Variants in EFCAB6 observed in about 807,000 individuals in gnomAD.
EFCAB6 encodes the protein EF-hand calcium binding domain 6, also known as EF-hand calcium-binding domain-containing protein 6.
Under a neutral mutation model 169.8 loss-of-function variants are expected in EFCAB6, and 156 were observed. The ratio of observed to expected loss-of-function variants is 0.92; its 90% CI spans 0.81 to 1.05. The LOEUF (loss-of-function observed/expected upper bound fraction) is 1.05. Among genes scored for constraint, EFCAB6 ranks in the 50% least tolerant of loss-of-function variants. The pLI is 0.00. For missense variants in EFCAB6, 1,800 were observed against 1,829.1 expected, an observed-to-expected ratio of 0.98 and a Z score of 0.29; for synonymous variants, 698 against 676.4, an observed-to-expected ratio of 1.03 and a Z score of -0.50.
intron 10 of EFCAB6, among the ~76,000 whole-genome samples, chr22:43,709,526 T>A (rs2059082434): frequency 6.6e-6 from 1 of 152,190 alleles, no homozygotes; most frequent in Admixed American, 6.5e-5. Flanking sequence ...ATAATATGCA[T>A]TTCTATTTTA....
chr22:43,692,768 T>C (rs1444504824), intron 10 of EFCAB6, among the ~76,000 whole-genome samples: 1 of 152,088 alleles, frequency 6.6e-6, no homozygotes, highest in East Asian at 1.9e-4. Context: ...GTCTGACATA[T>C]ATGTACTTGG....
chr22:43,672,497 C>G (rs2057536125), intron 13 of EFCAB6, among the ~76,000 whole-genome samples, 192 bp from the exon 14 acceptor site: 1 of 152,174 alleles, frequency 6.6e-6, no homozygotes, highest in Non-Finnish European at 1.5e-5. Context: ...ACTTGAAATA[C>G]TATGCAGACA....
At chr22:43,740,293 C>G (rs547451590) in intron 6 of EFCAB6, among the ~76,000 whole-genome samples, 1 of 152,296 alleles carries the variant, frequency 6.6e-6, no homozygotes, top group South Asian at 2.1e-4. Flanking sequence ...GTCTCCCCCT[C>G]TGAGAGCAAG....
chr22:43,744,029 A>C lies in EFCAB6; in HGVS notation c.508-8036T>G, dbSNP rs547579846. ...TGGATGAAGGGATGAATGATGAATG[A>C]ATGAATGAATGAATGGGTTATGGAT... On this transcript the variant is annotated intron_variant, in intron 6 of 31. Coordinates refer to ENST00000262726, the MANE Select transcript of EFCAB6 (RefSeq NM_022785.4). The surrounding 1 kb of genome is among the most constrained non-coding windows in gnomAD (Gnocchi z 4.3). 2.2e-4 allele frequency among the ~76,000 whole-genome samples: 33 copies of C among 152,106 alleles called. No individual in the cohort carries two copies. Among genetic ancestry groups the C allele is most frequent in the African/African-American group, 6.5e-4 (27 of 41,502 alleles).
intron 6 of EFCAB6, 34 bp downstream of exon 6, chr22:43,755,732 T>TG: frequency 1.3e-6 from 2 of 1,549,958 alleles, no homozygotes; most frequent in Non-Finnish European, 1.7e-6. Flanking sequence ...ATGGGTGGGG[T>TG]GGGGGGAAAT....
chr22:43,645,800 G>A (rs2056116660), intron 17 of EFCAB6, among the ~76,000 whole-genome samples: 1 of 151,886 alleles, frequency 6.6e-6, no homozygotes, highest in South Asian at 2.1e-4. Flanking sequence ...TTCCTCAGAT[G>A]TAAATGATAT....
chr22:43,598,707 G>A (rs1292402621), intron 23 of EFCAB6, among the ~76,000 whole-genome samples: 1 of 152,148 alleles, frequency 6.6e-6, no homozygotes, highest in African/African-American at 2.4e-5. Flanking sequence ...CATTTACCCT[G>A]AAGTGATTAT....
chr22:43,548,910 T>TA (rs1233594180), intron 27 of EFCAB6, among the ~76,000 whole-genome samples: 26 of 152,200 alleles, frequency 1.7e-4, no homozygotes, highest in Admixed American at 3.9e-4. Context: ...AAAGTATTTC[T>TA]AAGAACTGAT....
At chr22:43,588,699 A>G (rs1346815514) in intron 24 of EFCAB6, among the ~76,000 whole-genome samples, 1 of 152,214 alleles carries the variant, frequency 6.6e-6, no homozygotes, top group Non-Finnish European at 1.5e-5. Context: ...GAAAAGGGCA[A>G]TCTTCAAGAA....
chr22:43,734,731 A>G (rs2060071519), intron 7 of EFCAB6, among the ~76,000 whole-genome samples: 2 of 152,190 alleles, frequency 1.3e-5, no homozygotes, highest in South Asian at 4.1e-4. Flanking sequence ...GTGGGTTATA[A>G]AGAGAAAAAA....
At chr22:43,666,425 C>G (rs2057251425) in intron 17 of EFCAB6, among the ~76,000 whole-genome samples, 1 of 152,198 alleles carries the variant, frequency 6.6e-6, no homozygotes, top group Admixed American at 6.5e-5. Context: ...TGTAATTATA[C>G]TCTTCTTGGA....
intron 1 of EFCAB6, among the ~76,000 whole-genome samples, chr22:43,809,720 G>T (rs1414302930): frequency 1.3e-5 from 2 of 152,078 alleles, no homozygotes; most frequent in Non-Finnish European, 2.9e-5. Context: ...AGATTCTCCT[G>T]CCTCAGCTTC....
At chr22:43,699,089 G>A (rs1894489) in intron 10 of EFCAB6, among the ~76,000 whole-genome samples, 41,969 of 152,032 alleles carry the variant, frequency 0.28, 6,911 homozygotes, top group East Asian at 0.63. Flanking sequence ...GAGGCTCGGA[G>A]GGATTGACTG....
At chr22:43,667,831 T>C (rs1475689964) in intron 16 of EFCAB6, among the ~76,000 whole-genome samples, 2 of 152,168 alleles carry the variant, frequency 1.3e-5, no homozygotes, top group Non-Finnish European at 2.9e-5. Context: ...CGTGGATGTG[T>C]CTGAGCATGT....
chr22:43,550,687 A>G (rs922293461), intron 27 of EFCAB6, among the ~76,000 whole-genome samples: 5 of 152,048 alleles, frequency 3.3e-5, no homozygotes, highest in Non-Finnish European at 5.9e-5. Context: ...AAAAAAAAAA[A>G]AAGTTCAGAA....
intron 30 of EFCAB6, among the ~76,000 whole-genome samples, chr22:43,532,497 C>T (rs1451109305): frequency 6.6e-6 from 1 of 152,104 alleles, no homozygotes; most frequent in Non-Finnish European, 1.5e-5. Flanking sequence ...ATGTTCTCCA[C>T]GTTCGTGGCT....
intron 26 of EFCAB6, among the ~76,000 whole-genome samples, chr22:43,570,829 GGGCTGGTTCTCAA>G (rs1470078127): frequency 2.0e-5 from 3 of 152,168 alleles, no homozygotes; most frequent in Non-Finnish European, 4.4e-5. Context: ...TGTGCCTCCT[GGGCTGGTTCTCAA>G]GCCCAGGACA....
chr22:43,711,107 T>C (rs1271034492), intron 10 of EFCAB6, among the ~76,000 whole-genome samples: 1 of 151,578 alleles, frequency 6.6e-6, no homozygotes, highest in Non-Finnish European at 1.5e-5. Flanking sequence ...CTTGACTGGA[T>C]ATTTATTAAT....
At chr22:43,732,411 A>G (rs1165234550) in intron 7 of EFCAB6, among the ~76,000 whole-genome samples, 1 of 151,962 alleles carries the variant, frequency 6.6e-6, no homozygotes, top group African/African-American at 2.4e-5. Flanking sequence ...TATGTAACAT[A>G]CAAGGCTTTT....
Sources: gnomAD v4.1 joint callset for allele counts (sites outside exome capture counted in the v4.1 genomes callset) on GRCh38, gnomAD v4.1.1 for gene constraint, Gnocchi (gnomAD v3.1) non-coding constraint, MANE v1.5 for transcripts, NCBI Gene and HGNC (gene_info 2026-07-23, HGNC 2026-07-21) for gene names.